TMC5: variants seen among roughly 807,000 people sequenced by gnomAD.
TMC5 encodes the protein transmembrane channel-like protein 5.
Under a neutral mutation model 110.5 loss-of-function variants are expected in TMC5, and 86 were observed. That is an observed-to-expected ratio of 0.78 (90% CI 0.65 to 0.93). TMC5 has a LOEUF of 0.93. Ranked by LOEUF, TMC5 falls within the 40% of genes least tolerant of loss-of-function variation. The pLI, the probability that TMC5 is intolerant of heterozygous loss-of-function variation, is 0.00. For missense variants in TMC5, 1,144 were observed against 1,222.8 expected, an observed-to-expected ratio of 0.94 and a Z score of 0.96; for synonymous variants, 455 against 439.5, an observed-to-expected ratio of 1.04 and a Z score of -0.44.
chr16:19,444,933 C>T (rs570997310), intron 4 of TMC5, among the ~76,000 whole-genome samples: 5 of 152,296 alleles, frequency 3.3e-5, no homozygotes, highest in South Asian at 2.1e-4. Flanking sequence ...GAGTTCGAGA[C>T]CAGCCTGGCC....
chr16:19,414,611 G>C (rs925745918), upstream of TMC5, among the ~76,000 whole-genome samples: 2 of 152,162 alleles, frequency 1.3e-5, no homozygotes, highest in Admixed American at 6.5e-5. Context: ...ACACTGCCAC[G>C]TGGTATAAAA....
chr16:19,497,724 C>G (rs1446946358), intron 21 of TMC5, among the ~76,000 whole-genome samples, 196 bp from the exon 22 acceptor site: 1 of 152,146 alleles, frequency 6.6e-6, no homozygotes, highest in Non-Finnish European at 1.5e-5. Flanking sequence ...AACAAGCAAA[C>G]CCATTTATTT....
At chr16:19,422,115 C>T (rs756931454) in intron 1 of TMC5, among the ~76,000 whole-genome samples, 1 of 152,004 alleles carries the variant, frequency 6.6e-6, no homozygotes, top group Non-Finnish European at 1.5e-5. Context: ...CCTGTAGTCC[C>T]AACTGCTCAG....
intron 5 of TMC5, among the ~76,000 whole-genome samples, chr16:19,450,902 C>T (rs778696054): frequency 1.3e-5 from 2 of 152,108 alleles, no homozygotes; most frequent in Admixed American, 6.6e-5. Context: ...GCGCTGCAAT[C>T]AGTTAGGAAG....
chr16:19,440,160 C>G lies in TMC5; in HGVS notation c.122C>G (p.Pro41Arg), dbSNP rs773890211. 1 of 1,614,160 alleles carries G rather than the reference C, an allele frequency of 6.2e-7. No homozygotes were observed. The highest frequency in any genetic ancestry group is 8.5e-7 in the Non-Finnish European group (1 of 1,180,018). ...CAAGGTTATCCAGATGTTCCAGGTC[C>G]TCTGAACAATCCAGACTACCCCGGC... ...KTQGYPDVPG[P>R]LNNPDYPGTR... The change falls in exon 3 of 22, where the codon CCT becomes CGT. Residue 41 changes from proline (P) to arginine (R), a missense_variant. Physicochemically the swap from Pro to Arg is moderately radical, Grantham distance 103. Coordinates refer to ENST00000542583, the MANE Select transcript of TMC5 (RefSeq NM_001261841.2).
chr16:19,472,004 A>G (rs373033067), intron 10 of TMC5, 84 bp from the exon 11 acceptor site: 1 of 1,409,994 alleles, frequency 7.1e-7, no homozygotes, highest in Non-Finnish European at 9.8e-7. Context: ...CAAGTGATCC[A>G]CCCGCCTTGG....
At chr16:19,486,243 C>T (rs571446516) in intron 15 of TMC5, among the ~76,000 whole-genome samples, 3 of 152,200 alleles carry the variant, frequency 2.0e-5, no homozygotes, top group South Asian at 4.2e-4. Flanking sequence ...GATCAAGGTG[C>T]GGGTGGGGTT....
At chr16:19,456,215 AAATAT>A (rs924363616) in intron 5 of TMC5, among the ~76,000 whole-genome samples, 9 of 142,822 alleles carry the variant, frequency 6.3e-5, no homozygotes, top group African/African-American at 2.3e-4. Context: ...TCAAAAAAAA[AAATAT>A]ATATATACAC....
At chr16:19,497,020 A>G in intron 20 of TMC5, 101 bp from the exon 21 acceptor site, 2 of 1,185,056 alleles carry the variant, frequency 1.7e-6, no homozygotes, top group Admixed American at 3.6e-5. Flanking sequence ...CTTAACTTCT[A>G]TAAAATGGTG....
chr16:19,456,720 AC>A, intron 5 of TMC5: 1 of 1,609,144 alleles, frequency 6.2e-7, no homozygotes, highest in Admixed American at 1.7e-5. Context: ...CTGTCCGATG[AC>A]CACGTGAATG....
At chr16:19,475,831 G>T (rs79081807) in intron 12 of TMC5, among the ~76,000 whole-genome samples, 5,631 of 137,720 alleles carry the variant, frequency 0.041, 203 homozygotes, top group East Asian at 0.13. Context: ...TTGAGATGGA[G>T]TCTCATTCTG....
intron 5 of TMC5, among the ~76,000 whole-genome samples, chr16:19,453,972 C>T (rs1014195349): frequency 3.3e-5 from 5 of 152,140 alleles, no homozygotes; most frequent in Non-Finnish European, 7.3e-5. Context: ...CCCGCCTCAG[C>T]CTCCCAAGTA....
At chr16:19,417,094 C>CGAAA (rs751633618), upstream of TMC5, among the ~76,000 whole-genome samples, 1 of 69,190 alleles carries the variant, frequency 1.4e-5, no homozygotes, top group African/African-American at 6.8e-5. Flanking sequence ...ACTCAGTCTT[C>CGAAA]AAAAAAAAAA....
intron 1 of TMC5, among the ~76,000 whole-genome samples, chr16:19,425,969 G>A (rs1280268722): frequency 6.6e-5 from 10 of 152,218 alleles, no homozygotes; most frequent in Admixed American, 3.9e-4. Context: ...TTACAGGCGT[G>A]AGCCACCGCA....
At chr16:19,474,007 A>ATCTC in intron 11 of TMC5, 118 bp from the exon 12 acceptor site, 4 of 950,832 alleles carry the variant, frequency 4.2e-6, no homozygotes, top group Non-Finnish European at 6.1e-6. Context: ...TAAATAGATA[A>ATCTC]ATAGTTAACC....
At position 19,463,764 on chromosome 16, in the gene TMC5, T is replaced by C. The variant is rs756192327; in HGVS notation, c.1237-12T>C. 4.3e-6 allele frequency: 7 copies of C among 1,612,070 alleles called. No homozygotes were observed. The highest frequency in any genetic ancestry group is 5.9e-6 in the Non-Finnish European group (7 of 1,178,688). Reference sequence around the variant, plus strand: ...AACAGCAAGCCACACCTGCTTTGAATCCTGATTCCAGGCTTATCGGAGATC... The same window carrying C: ...AACAGCAAGCCACACCTGCTTTGAACCCTGATTCCAGGCTTATCGGAGATC... On this transcript the variant is annotated splice_polypyrimidine_tract_variant and intron_variant, in intron 7 of 21. Transcript: ENST00000542583.
In TMC5 at chr16:19,444,228, A is replaced by T. The variant is rs777447574; in HGVS notation, c.936A>T (p.Pro312=). The T allele has an allele frequency of 1.7e-5, 27 of 1,613,788 alleles. No homozygotes were observed. The highest frequency in any genetic ancestry group is 6.8e-6 in the Non-Finnish European group (8 of 1,180,024). The change falls in exon 4 of 22, where the codon CCA becomes CCT. Residue 312 remains proline, a synonymous_variant. Transcript: ENST00000542583. The stretch of plus-strand genomic sequence containing the variant: ...CAAACTCATATGGCCACTCTCTGCC[A>T]GGTGCTCCTGGAAGTGGCTATGGTA... ...EMANSYGHSL[P]GAPGSGYVNP... is the part of the protein sequence containing the mutation.
At chr16:19,468,192 CT>C (rs1968236648) in intron 9 of TMC5, among the ~76,000 whole-genome samples, 1 of 152,120 alleles carries the variant, frequency 6.6e-6, no homozygotes, top group Non-Finnish European at 1.5e-5. Flanking sequence ...CCAGGCTGGT[CT>C]TGAACTCCTG....
chr16:19,428,105 C>T lies in TMC5; in HGVS notation c.-307-2308C>T, dbSNP rs537384048. On this transcript the variant is annotated intron_variant, in intron 1 of 21. Transcript: ENST00000542583. ...GGGAGGGGTTTAGTCCATGAACTTC[C>T]TTCCAAGAAAGGATCGTGGTAAAAG... 4.6e-5 allele frequency among the ~76,000 whole-genome samples: 7 copies of T among 152,202 alleles called. No homozygotes were observed. In the South Asian group the frequency reaches 6.2e-4, roughly 14 times the overall value.
Sources: allele counts gnomAD v4.1 joint callset (sites outside exome capture counted in the v4.1 genomes callset), GRCh38; gene constraint gnomAD v4.1.1; transcripts MANE v1.5; gene names NCBI Gene and HGNC (gene_info 2026-07-23, HGNC 2026-07-21).